Variants in PHF20L1 observed in about 807,000 individuals in gnomAD.
The protein encoded by PHF20L1 is PHD finger protein 20 like 1.
A neutral mutation model predicts 125.5 loss-of-function variants in PHF20L1; 44 were observed. The ratio of observed to expected loss-of-function variants is 0.35; its 90% CI spans 0.28 to 0.45. PHF20L1 has a LOEUF of 0.45. Ranked by LOEUF, PHF20L1 falls within the 20% of genes least tolerant of loss-of-function variation. The pLI is 1.00. For missense variants in PHF20L1, 1,012 were observed against 1,217.2 expected (o/e 0.83, Z 2.51); for synonymous variants, 380 against 403.1 (o/e 0.94, Z 0.69).
At chr8:132,826,775 A>G (rs985548582) in intron 14 of PHF20L1, 2 of 152,018 alleles carry the variant, frequency 1.3e-5, no homozygotes, top group Non-Finnish European at 2.9e-5. Flanking sequence ...TTCAAAAATG[A>G]TGATACTCTC....
At chr8:132,809,718 G>A (rs1834147951) in intron 8 of PHF20L1, 1 of 151,756 alleles carries the variant, frequency 6.6e-6, no homozygotes, top group South Asian at 2.1e-4. Flanking sequence ...GTTTTTGTGT[G>A]GCCAACTTTG....
intron 2 of PHF20L1, among the ~76,000 whole-genome samples, chr8:132,778,183 T>G (rs1429852642): frequency 6.6e-6 from 1 of 152,212 alleles, no homozygotes; most frequent in Non-Finnish European, 1.5e-5. Context: ...GCGGTTTATG[T>G]ATACCTCATG....
At chr8:132,777,398 AG>A (rs1234080922) in intron 1 of PHF20L1, among the ~76,000 whole-genome samples, 18 of 152,184 alleles carry the variant, frequency 1.2e-4, no homozygotes, top group African/African-American at 4.1e-4. Context: ...GAATTTCAGT[AG>A]TCCTATTCCA....
chr8:132,825,911 C>G (rs759208892), intron 14 of PHF20L1, among the ~76,000 whole-genome samples: 9 of 151,990 alleles, frequency 5.9e-5, no homozygotes, highest in Non-Finnish European at 1.0e-4. Flanking sequence ...TTGTCAAGCC[C>G]TGATTTTGGA....
At chr8:132,790,818 A>C (rs941242255) in intron 2 of PHF20L1, among the ~76,000 whole-genome samples, 3 of 152,222 alleles carry the variant, frequency 2.0e-5, no homozygotes, top group African/African-American at 7.2e-5. Context: ...TCCCCTAGCA[A>C]GTCTAACTTA....
chr8:132,818,304 T>A (rs892098939), intron 12 of PHF20L1: 2 of 151,930 alleles, frequency 1.3e-5, no homozygotes, highest in Non-Finnish European at 2.9e-5. Flanking sequence ...ACTAGATGTT[T>A]GAAGGAAGTC....
Position 132,775,527 on chromosome 8 carries a change from C to G in PHF20L1, c.-156C>G, listed in dbSNP as rs1586819397. The G allele has an allele frequency of 5.4e-6, 2 of 373,466 alleles. No homozygotes were observed. The highest frequency in any genetic ancestry group is 7.8e-5 in the East Asian group (2 of 25,754). The allele number at this position is 373,466 out of a possible 1,614,324, so 23.1% of individuals were successfully genotyped here. ...GCGGCCCCAGCTCGCTCCGCTCCTGCTCCCTCCCCGGCCGCTGCCTGGGCG... is the reference window on the plus strand; with the variant it reads ...GCGGCCCCAGCTCGCTCCGCTCCTGGTCCCTCCCCGGCCGCTGCCTGGGCG... On this transcript the variant is annotated 5_prime_UTR_variant, in exon 1 of 21. Transcript: ENST00000395386.
intron 2 of PHF20L1, among the ~76,000 whole-genome samples, chr8:132,783,396 G>A (rs565152020): frequency 5.5e-4 from 84 of 152,134 alleles, no homozygotes; most frequent in Non-Finnish European, 9.9e-4. Context: ...AATTTTAATA[G>A]TATAGGAGAA....
chr8:132,781,665 T>A (rs1009357704), intron 2 of PHF20L1, among the ~76,000 whole-genome samples: 1 of 152,174 alleles, frequency 6.6e-6, no homozygotes, highest in East Asian at 1.9e-4. Context: ...TCTCTTGACC[T>A]TGTGATGTGC....
intron 8 of PHF20L1, among the ~76,000 whole-genome samples, chr8:132,806,185 C>T (rs1833675067): frequency 6.6e-6 from 1 of 151,920 alleles, no homozygotes; most frequent in Admixed American, 6.6e-5. Context: ...GGATAACCTG[C>T]TTTAATAGTT....
At chr8:132,788,662 A>G (rs1042329906) in intron 2 of PHF20L1, 3 of 152,100 alleles carry the variant, frequency 2.0e-5, no homozygotes, top group Admixed American at 1.3e-4. Context: ...AAGATAAATC[A>G]GAATGAATTC....
chr8:132,783,343 T>TA (rs1195555891), intron 2 of PHF20L1, among the ~76,000 whole-genome samples: 1 of 152,228 alleles, frequency 6.6e-6, no homozygotes, highest in Non-Finnish European at 1.5e-5. Context: ...TTTTGAACTG[T>TA]ATGGAACATT....
intron 12 of PHF20L1, among the ~76,000 whole-genome samples, chr8:132,819,479 C>G (rs1215273309): frequency 6.6e-6 from 1 of 151,154 alleles, no homozygotes; most frequent in Non-Finnish European, 1.5e-5. Flanking sequence ...CAATTTAGGT[C>G]ATGTTCTGAC....
chr8:132,817,027 A>T lies in PHF20L1; in HGVS notation c.1323A>T (p.Lys441Asn). Residue 441 changes from lysine to asparagine, a missense_variant, in exon 11 of 21, where the codon AAA becomes AAT. By Grantham distance (94) the Lys-to-Asn change is moderately conservative (BLOSUM62 0). Transcript: ENST00000395386. ...CTCCCTCTCCAGCCACTGATGGGAA[A>T]GTATTCTCCATCAGTTCTCAAAATC... ...VSSPSPATDG[K>N]VFSISSQNQQ... The T allele has an allele frequency of 1.2e-6, 2 of 1,605,868 alleles. No individual in the cohort carries two copies. The highest frequency in any genetic ancestry group is 1.7e-6 in the Non-Finnish European group (2 of 1,176,008).
chr8:132,838,796 C>T (rs1837637674), intron 17 of PHF20L1, among the ~76,000 whole-genome samples: 1 of 152,110 alleles, frequency 6.6e-6, no homozygotes, highest in African/African-American at 2.4e-5. Context: ...TATTCAGAAG[C>T]ATTTACTGGA....
chr8:132,825,833 A>G (rs1391542361), intron 14 of PHF20L1, among the ~76,000 whole-genome samples: 1 of 152,078 alleles, frequency 6.6e-6, no homozygotes, highest in African/African-American at 2.4e-5. Context: ...CCAAGAAGCC[A>G]GAGGAACAAG....
chr8:132,821,329 A>G (rs780868245), intron 12 of PHF20L1, among the ~76,000 whole-genome samples: 5 of 151,970 alleles, frequency 3.3e-5, no homozygotes, highest in Admixed American at 6.6e-5. Context: ...ATTGGTTAAT[A>G]TAATCCATTT....
At chr8:132,842,275 G>T in intron 18 of PHF20L1, 1 of 349,552 alleles carries the variant, frequency 2.9e-6, no homozygotes. Flanking sequence ...TGTATCAAAT[G>T]ATGATGTGAA....
At chr8:132,795,097 A>G (rs1832228881) in intron 4 of PHF20L1, among the ~76,000 whole-genome samples, 2 of 152,138 alleles carry the variant, frequency 1.3e-5, no homozygotes, top group Admixed American at 1.3e-4. Context: ...TTTTATTTCT[A>G]CTTCTCTGTT....
Sources: gnomAD v4.1 joint callset for allele counts (sites outside exome capture counted in the v4.1 genomes callset) on GRCh38, gnomAD v4.1.1 for gene constraint, MANE v1.5 for transcripts, NCBI Gene and HGNC (gene_info 2026-07-23, HGNC 2026-07-21) for gene names.